The following MXRA7 variants were observed in gnomAD, a reference collection of about 807,000 sequenced individuals.
The protein encoded by MXRA7 is matrix remodeling associated 7.
In MXRA7, 18 loss-of-function variants were observed where a neutral mutation model predicts 17.4. The ratio of observed to expected loss-of-function variants is 1.03; its 90% CI spans 0.71 to 1.53. The LOEUF (loss-of-function observed/expected upper bound fraction) is 1.53. Among genes scored for constraint, MXRA7 ranks in the 40% most tolerant of loss-of-function variants. The pLI is 0.00. For synonymous variants in MXRA7, 70 were observed against 101.7 expected, an observed-to-expected ratio of 0.69 and a Z score of 1.87; for missense variants, 141 against 209.3, an observed-to-expected ratio of 0.67 and a Z score of 2.01.
chr17:76,700,994 G>T (rs867103277), intron 1 of MXRA7, among the ~76,000 whole-genome samples: 27 of 152,220 alleles, frequency 1.8e-4, no homozygotes, highest in Middle Eastern at 3.4e-3. Context: ...CTGTGGCTGT[G>T]GGGGGCTGGG....
intron 1 of MXRA7, among the ~76,000 whole-genome samples, chr17:76,695,271 T>C (rs141056032): frequency 0.01 from 1,577 of 152,084 alleles, 32 homozygotes; most frequent in African/African-American, 0.035. Context: ...CTGACTCCAG[T>C]AGTAAGAAGT....
intron 1 of MXRA7, among the ~76,000 whole-genome samples, chr17:76,696,382 G>T (rs908515214): frequency 6.6e-6 from 1 of 152,076 alleles, no homozygotes; most frequent in African/African-American, 2.4e-5. Flanking sequence ...TTAGCCGGGG[G>T]TGGTGGCATG....
downstream of MXRA7, chr17:76,676,638 C>G (rs144384351): frequency 0.012 from 1,797 of 152,312 alleles, 33 homozygotes; most frequent in African/African-American, 0.042. Flanking sequence ...TGGTGCATGC[C>G]TGTAATCCCA....
chr17:76,674,853 G>A (rs962310039), downstream of MXRA7: 2 of 152,184 alleles, frequency 1.3e-5, no homozygotes, highest in Non-Finnish European at 2.9e-5. Context: ...GTTCCCTTAC[G>A]CCTAGAGACG....
chr17:76,684,572 C>A, intron 3 of MXRA7: 1 of 332,392 alleles, frequency 3.0e-6, no homozygotes, highest in South Asian at 2.2e-5. Flanking sequence ...CCAATTCCAA[C>A]AACGAGAAGC....
intron 1 of MXRA7, chr17:76,688,515 G>C: frequency 7.6e-7 from 1 of 1,311,778 alleles, no homozygotes; most frequent in Non-Finnish European, 9.7e-7. Context: ...GCTGCGGCCA[G>C]CAGACAAAGG....
At chr17:76,694,425 A>G (rs2076510718) in intron 1 of MXRA7, among the ~76,000 whole-genome samples, 1 of 152,194 alleles carries the variant, frequency 6.6e-6, no homozygotes, top group Admixed American at 6.5e-5. Flanking sequence ...AGGGTTGGAT[A>G]GCCATGGAAT....
At chr17:76,686,349 A>G (rs370801907) in intron 2 of MXRA7, among the ~76,000 whole-genome samples, 68 of 152,128 alleles carry the variant, frequency 4.5e-4, no homozygotes, top group African/African-American at 1.5e-3. Flanking sequence ...GCGTGGTGGC[A>G]GGCGCCTGTA....
At chr17:76,684,173 C>G (rs775659083) in intron 3 of MXRA7, among the ~76,000 whole-genome samples, 4 of 152,214 alleles carry the variant, frequency 2.6e-5, no homozygotes, top group Non-Finnish European at 4.4e-5. Flanking sequence ...GGTGGCTTGG[C>G]ATGCAGCCAT....
chr17:76,697,947 A>T (rs2076550063), intron 1 of MXRA7, among the ~76,000 whole-genome samples: 1 of 151,890 alleles, frequency 6.6e-6, no homozygotes, highest in African/African-American at 2.4e-5. Context: ...GAGGGGAGAG[A>T]GAGAGAACAC....
intron 3 of MXRA7, chr17:76,683,709 A>C (rs1165945057): frequency 3.1e-6 from 2 of 642,168 alleles, no homozygotes; most frequent in African/African-American, 3.6e-5. Flanking sequence ...AAGAATGAGA[A>C]GGGCTCAGGT....
intron 1 of MXRA7, among the ~76,000 whole-genome samples, chr17:76,704,519 T>TC (rs1287758952): frequency 6.7e-6 from 1 of 150,082 alleles, no homozygotes; most frequent in Admixed American, 6.6e-5. Context: ...TTTTTTTTTT[T>TC]CATGCCTGTA....
Position 76,707,241 on chromosome 17 carries a change from C to T in MXRA7, c.342+3364G>A, listed in dbSNP as rs142128335. ...AAATCCCAATTAAATCTAGAAGAGT[C>T]TCTGTGTGCTTCATGACACCGGCCC... On this transcript the variant is annotated intron_variant, in intron 1 of 3. Coordinates refer to ENST00000449428, the MANE Select transcript of MXRA7 (RefSeq NM_198530.4). Among the ~76,000 whole-genome samples the T allele has an allele frequency of 3.3e-5, 5 of 149,594 alleles. No individual in the cohort carries two copies. In the East Asian group the frequency reaches 8.1e-4, roughly 24 times the overall value.
chr17:76,710,501 C>T, intron 1 of MXRA7, 104 bp downstream of exon 1: 1 of 992,460 alleles, frequency 1.0e-6, no homozygotes, highest in Admixed American at 4.7e-5. Flanking sequence ...CTGGGGGCAG[C>T]CTGGGCTGGA....
intron 1 of MXRA7, chr17:76,703,818 C>A (rs530267132): frequency 1.3e-5 from 2 of 152,014 alleles, no homozygotes; most frequent in South Asian, 2.1e-4. Context: ...TCTGTAAGTT[C>A]TATGGCAATT....
chr17:76,686,176 G>C (rs1015245212), intron 2 of MXRA7, among the ~76,000 whole-genome samples: 2 of 152,164 alleles, frequency 1.3e-5, no homozygotes, highest in African/African-American at 4.8e-5. Context: ...TTCTAGATGC[G>C]AATTCAGAAC....
At chr17:76,684,974 TG>T in intron 3 of MXRA7, 97 bp downstream of exon 3, 1 of 977,774 alleles carries the variant, frequency 1.0e-6, no homozygotes, top group Non-Finnish European at 1.6e-6. Flanking sequence ...ACCTCCTTTC[TG>T]GGCCCTTCTG....
At position 76,710,710 on chromosome 17, in the gene MXRA7, C is replaced by T. The variant is rs1183140087; in HGVS notation, c.237G>A (p.Gly79=). 4 of 1,196,142 alleles carry T rather than the reference C, an allele frequency of 3.3e-6. No homozygotes were observed. Among genetic ancestry groups the T allele is most frequent in the Non-Finnish European group, 4.2e-6 (4 of 954,160 alleles). The allele number at this position is 1,196,142 out of a possible 1,614,324, so 74.1% of individuals were successfully genotyped here. A position where few individuals can be genotyped will look rare whatever the true frequency, so the allele number is the denominator to read the frequency against. ...AGPEEPGEPA[G]LGELGEPAGP... is the part of the protein sequence containing the mutation. ...CCGCAGGCTCCCCGAGCTCCCCCAG[C>T]CCCGCGGGCTCTCCAGGCTCCTCCG... The change falls in exon 1 of 4, where the codon GGG becomes GGA. Residue 79 remains glycine, a synonymous_variant. Coordinates refer to ENST00000449428, the MANE Select transcript of MXRA7 (RefSeq NM_198530.4).
intron 1 of MXRA7, among the ~76,000 whole-genome samples, chr17:76,691,810 A>G (rs2076481686): frequency 6.6e-6 from 1 of 152,212 alleles, no homozygotes; most frequent in African/African-American, 2.4e-5. Flanking sequence ...AACTAAGCCC[A>G]ATATCAAGAA....
Sources: gnomAD v4.1 joint callset for allele counts (sites outside exome capture counted in the v4.1 genomes callset) on GRCh38, gnomAD v4.1.1 for gene constraint, MANE v1.5 for transcripts, NCBI Gene and HGNC (gene_info 2026-07-23, HGNC 2026-07-21) for gene names.